Variants in NUP93 observed in about 807,000 individuals in gnomAD.
The protein encoded by NUP93 is nucleoporin 93, also known as nuclear pore complex protein Nup93.
In NUP93, 55 loss-of-function variants were observed where a neutral mutation model predicts 107.8. The ratio of observed to expected loss-of-function variants is 0.51; its 90% CI spans 0.41 to 0.64. The LOEUF (loss-of-function observed/expected upper bound fraction) is 0.64, where lower values mean the gene tolerates loss of function less well. Ranked by LOEUF, NUP93 falls within the 30% of genes least tolerant of loss-of-function variation. NUP93 has a pLI of 0.00. For synonymous variants in NUP93, 390 were observed against 397.5 expected, an observed-to-expected ratio of 0.98 and a Z score of 0.22; for missense variants, 937 against 1,044.7, an observed-to-expected ratio of 0.90 and a Z score of 1.42.
At chr16:56,790,742 A>G (rs967708106) in intron 3 of NUP93, among the ~76,000 whole-genome samples, 5 of 152,178 alleles carry the variant, frequency 3.3e-5, no homozygotes, top group African/African-American at 1.2e-4. Context: ...GTCTTCTTAG[A>G]ATGTGGATAC....
At chr16:56,746,890 CAG>C (rs1567374274) in intron 1 of NUP93, among the ~76,000 whole-genome samples, 1 of 151,842 alleles carries the variant, frequency 6.6e-6, no homozygotes, top group African/African-American at 2.4e-5. Flanking sequence ...GCCTGGCTGA[CAG>C]AGCGAGACTC....
At chr16:56,745,543 G>A (rs1961808301) in intron 1 of NUP93, among the ~76,000 whole-genome samples, 1 of 152,178 alleles carries the variant, frequency 6.6e-6, no homozygotes, top group Non-Finnish European at 1.5e-5. Context: ...AGGCAGCTTG[G>A]ATGTGGGGAG....
intron 5 of NUP93, among the ~76,000 whole-genome samples, chr16:56,808,158 T>TATAGTTATATAACTATATAAAATAA (rs1963195680): frequency 1.6e-5 from 2 of 126,440 alleles, no homozygotes; most frequent in Non-Finnish European, 3.3e-5. Context: ...ATATATAATA[T>TATAGTTATATAACTATATAAAATAA]ATAGTTATAT....
At chr16:56,754,880 C>G (rs568137474) in intron 2 of NUP93, among the ~76,000 whole-genome samples, 23 of 152,308 alleles carry the variant, frequency 1.5e-4, no homozygotes, top group Admixed American at 5.9e-4. Context: ...TCTACATTCT[C>G]TGGTAGCTGT....
rs1161706879 is a variant in NUP93 at position 56,831,938 on chromosome 16, T to C, written c.1182T>C (p.Ile394=). 1 of 1,614,058 alleles carries C rather than the reference T, an allele frequency of 6.2e-7. No homozygotes were observed. The highest frequency in any genetic ancestry group is 2.2e-5 in the East Asian group (1 of 44,888). The change falls in exon 11 of 22, where the codon ATT becomes ATC. Residue 394 remains isoleucine (I), a synonymous_variant. Coordinates refer to ENST00000308159, the MANE Select transcript of NUP93 (RefSeq NM_014669.5). The stretch of plus-strand genomic sequence containing the variant: ...ACAAGCGGGCCGTGTACTGTATCAT[T>C]GGCAGATGTGACGTCACCGACAACC... ...DPYKRAVYCI[I]GRCDVTDNQS...
At chr16:56,798,974 G>T (rs1324142699) in intron 4 of NUP93, among the ~76,000 whole-genome samples, 1 of 152,038 alleles carries the variant, frequency 6.6e-6, no homozygotes, top group African/African-American at 2.4e-5. Context: ...CCTACAGAGA[G>T]AGTTCTACAG....
rs548402654 is a variant in NUP93, at chr16:56,811,422, A to G, written c.489+5790A>G. On this transcript the variant is annotated intron_variant, in intron 5 of 21. Transcript: ENST00000308159. ...TTGTCCACCCTCTTTATAGGAGACT[A>G]CACAATGTAAAAGGCATAAGACAGG... Among the ~76,000 whole-genome samples the G allele has an allele frequency of 5.3e-5, 8 of 152,316 alleles. No individual in the cohort carries two copies. In the South Asian group the frequency reaches 1.7e-3, roughly 32 times the overall value.
At chr16:56,782,552 CA>C (rs1252202330) in intron 3 of NUP93, 2 of 152,040 alleles carry the variant, frequency 1.3e-5, no homozygotes, top group Non-Finnish European at 2.9e-5. Flanking sequence ...AAAGGAGATA[CA>C]TGTGAAGTGC....
intron 2 of NUP93, among the ~76,000 whole-genome samples, chr16:56,752,945 TCAGAAGGACC>T (rs1271960131): frequency 1.3e-5 from 2 of 152,142 alleles, no homozygotes; most frequent in Non-Finnish European, 2.9e-5. Flanking sequence ...CAGTCACATG[TCAGAAGGACC>T]CAGAAACCAA....
chr16:56,807,148 C>T (rs995806659), intron 5 of NUP93, among the ~76,000 whole-genome samples: 5 of 152,186 alleles, frequency 3.3e-5, no homozygotes, highest in Non-Finnish European at 7.3e-5. Context: ...CTGCACCAGC[C>T]GAACAGGCTT....
chr16:56,800,849 G>A (rs1168490179), intron 4 of NUP93, among the ~76,000 whole-genome samples: 1 of 152,196 alleles, frequency 6.6e-6, no homozygotes, highest in Non-Finnish European at 1.5e-5. Flanking sequence ...CGGGTGTGAA[G>A]TCAAAGCATA....
chr16:56,760,824 T>G (rs1962113130), intron 3 of NUP93, among the ~76,000 whole-genome samples: 1 of 152,112 alleles, frequency 6.6e-6, no homozygotes, highest in African/African-American at 2.4e-5. Context: ...GGCGCACTCC[T>G]GTAGTCCCAG....
At chr16:56,743,954 A>G (rs1045722733) in intron 1 of NUP93, among the ~76,000 whole-genome samples, 12 of 152,190 alleles carry the variant, frequency 7.9e-5, no homozygotes, top group Non-Finnish European at 1.3e-4. Flanking sequence ...AGTGCCTGCC[A>G]GTGTTGCCTT....
At chr16:56,801,161 T>A (rs546506565) in intron 4 of NUP93, among the ~76,000 whole-genome samples, 2 of 152,332 alleles carry the variant, frequency 1.3e-5, no homozygotes, top group African/African-American at 4.8e-5. Flanking sequence ...TAGACTCTCA[T>A]TGCCCTCCTC....
chr16:56,782,058 C>T, intron 3 of NUP93: 1 of 985,366 alleles, frequency 1.0e-6, no homozygotes, highest in Non-Finnish European at 1.2e-6. Flanking sequence ...TCTCTCTGTC[C>T]TTCTCCCCAC....
intron 2 of NUP93, among the ~76,000 whole-genome samples, chr16:56,751,720 A>G (rs1285429788): frequency 2.6e-5 from 4 of 152,162 alleles, no homozygotes; most frequent in Admixed American, 6.5e-5. Flanking sequence ...GCCTCCTGAC[A>G]TTTTATATGC....
At chr16:56,796,829 T>A (rs1488765614) in intron 3 of NUP93, among the ~76,000 whole-genome samples, 1 of 151,994 alleles carries the variant, frequency 6.6e-6, no homozygotes, top group East Asian at 1.9e-4. Context: ...ATACAAAAAT[T>A]AGCTGGAGTG....
At chr16:56,783,616 C>A (rs1204111649) in intron 3 of NUP93, 2 of 985,294 alleles carry the variant, frequency 2.0e-6, no homozygotes, top group Non-Finnish European at 2.4e-6. Flanking sequence ...TGGGTGGATG[C>A]CAGCGCCTTC....
At chr16:56,763,223 A>G (rs1462436901) in intron 3 of NUP93, among the ~76,000 whole-genome samples, 2 of 152,222 alleles carry the variant, frequency 1.3e-5, no homozygotes, top group African/African-American at 4.8e-5. Flanking sequence ...TGCAGGTCCC[A>G]ACTAAGTTTC....
Sources: gnomAD v4.1 joint callset for allele counts (sites outside exome capture counted in the v4.1 genomes callset) on GRCh38, gnomAD v4.1.1 for gene constraint, MANE v1.5 for transcripts, NCBI Gene and HGNC (gene_info 2026-07-23, HGNC 2026-07-21) for gene names.